Variants in SH3PXD2A observed in about 807,000 individuals in gnomAD.
SH3PXD2A encodes the protein SH3 and PX domains 2A, also known as SH3 and PX domain-containing protein 2A.
A neutral mutation model predicts 115.2 loss-of-function variants in SH3PXD2A; 32 were observed. The observed-to-expected ratio is 0.28, with a 90% CI of 0.21 to 0.37. The LOEUF (loss-of-function observed/expected upper bound fraction) is 0.37. Ranked by LOEUF, SH3PXD2A falls within the 10% of genes least tolerant of loss-of-function variation. The probability of loss-of-function intolerance (pLI) is 1.00; values close to 1 mark genes in which losing one functional copy is unlikely to be tolerated. For synonymous variants in SH3PXD2A, 610 were observed against 629.1 expected, an observed-to-expected ratio of 0.97 and a Z score of 0.45; for missense variants, 1,328 against 1,498.7, an observed-to-expected ratio of 0.89 and a Z score of 1.88.
intron 3 of SH3PXD2A, among the ~76,000 whole-genome samples, chr10:103,743,960 C>A (rs574906857): frequency 6.6e-6 from 1 of 152,264 alleles, no homozygotes; most frequent in Non-Finnish European, 1.5e-5. Flanking sequence ...AGCAGAGAGG[C>A]CTTGATGGAA....
chr10:103,661,899 C>T (rs1412638337), intron 7 of SH3PXD2A: 1 of 985,102 alleles, frequency 1.0e-6, no homozygotes, highest in East Asian at 1.1e-4. Flanking sequence ...GCTGGCGAGC[C>T]CAGCCCGCCC....
In SH3PXD2A at chr10:103,835,275, A is replaced by G. The variant is rs114838296; in HGVS notation, c.72+19920T>C. ...GATTGCAGCTTCCGTGGGATTTCCCACTGCTCTGACGTGAGCTCGCAGGGG... is the reference window on the plus strand; with the variant it reads ...GATTGCAGCTTCCGTGGGATTTCCCGCTGCTCTGACGTGAGCTCGCAGGGG... On this transcript the variant is annotated intron_variant, in intron 1 of 14. Coordinates refer to ENST00000369774, the MANE Select transcript of SH3PXD2A (RefSeq NM_001394015.1). Among the ~76,000 whole-genome samples, 285 of 152,322 alleles carry G rather than the reference A, an allele frequency of 1.9e-3. 1 individual carries two copies. The highest frequency in any genetic ancestry group is 6.2e-3 in the African/African-American group (258 of 41,586).
intron 5 of SH3PXD2A, among the ~76,000 whole-genome samples, chr10:103,709,420 G>C (rs2038021102): frequency 6.6e-6 from 1 of 152,192 alleles, no homozygotes; most frequent in African/African-American, 2.4e-5. Flanking sequence ...CCTGGGACCA[G>C]GGGCAAACCC....
intron 9 of SH3PXD2A, among the ~76,000 whole-genome samples, chr10:103,624,748 T>G (rs76165572): frequency 0.04 from 6,103 of 152,220 alleles, 390 homozygotes; most frequent in African/African-American, 0.14. Flanking sequence ...GGGGTAGAGA[T>G]GGCTGGAGAG....
At chr10:103,805,083 G>A (rs1317069572) in intron 1 of SH3PXD2A, among the ~76,000 whole-genome samples, 2 of 152,198 alleles carry the variant, frequency 1.3e-5, no homozygotes, top group Admixed American at 6.5e-5. Flanking sequence ...GCCTTTCTCC[G>A]GAACCAACCA....
At chr10:103,818,351 A>C (rs2039345073) in intron 1 of SH3PXD2A, among the ~76,000 whole-genome samples, 1 of 152,180 alleles carries the variant, frequency 6.6e-6, no homozygotes, top group Non-Finnish European at 1.5e-5. Flanking sequence ...GGACCTCTGC[A>C]ATCATCTCTG....
intron 6 of SH3PXD2A, among the ~76,000 whole-genome samples, chr10:103,669,471 C>A (rs1354603101): frequency 6.6e-6 from 1 of 152,230 alleles, no homozygotes; most frequent in Non-Finnish European, 1.5e-5. Flanking sequence ...AGGCAGAAAG[C>A]TCTTGGTCTA....
At chr10:103,675,017 C>T (rs1329314664) in intron 6 of SH3PXD2A, among the ~76,000 whole-genome samples, 2 of 152,132 alleles carry the variant, frequency 1.3e-5, no homozygotes, top group Non-Finnish European at 2.9e-5. Context: ...TCTACAAAAG[C>T]TTGTTCCAGG....
rs1374642845 is a variant in SH3PXD2A at position 103,603,759 on chromosome 10, A to T, written c.1459T>A (p.Tyr487Asn). Residue 487 changes from tyrosine to asparagine, a missense_variant, in exon 15 of 15, where the codon TAC (tyrosine) becomes AAC (asparagine). Physicochemically the swap from Tyr to Asn is moderately radical, Grantham distance 143. Transcript: ENST00000369774. ...CCCTCCTTCTCACCGATCTGCACGT[A>T]CCACCAGCCACCTGAGTTCTTATCA... is the stretch of plus-strand genomic sequence containing the variant. ...VIDKNSGGWW[Y>N]VQIGEKEGWA... The T allele has an allele frequency of 6.2e-7, 1 of 1,609,982 alleles. No homozygotes were observed.
Position 103,602,106 on chromosome 10 carries a change from T to C in SH3PXD2A, c.3112A>G (p.Ser1038Gly). ...AKGRLAERAA[S>G]QGSDSPLLPA... ...AGTAGGGGTGAGTCTGAACCCTGGCTGGCAGCCCGTTCGGCCAGGCGGCCC... is the reference window on the plus strand; with the variant it reads ...AGTAGGGGTGAGTCTGAACCCTGGCCGGCAGCCCGTTCGGCCAGGCGGCCC... Residue 1038 changes from serine to glycine, a missense_variant, in exon 15 of 15, where the codon AGC (serine) becomes GGC (glycine). Physicochemically the swap from Ser to Gly is moderately conservative, Grantham distance 56. Around this residue, in one of 5 missense-constraint regions of SH3PXD2A, gnomAD observed 574 missense variants for 565.7 expected, o/e 1.01. Coordinates refer to ENST00000369774, the MANE Select transcript of SH3PXD2A (RefSeq NM_001394015.1). 4 of 1,590,966 alleles carry C rather than the reference T, an allele frequency of 2.5e-6. No homozygotes were observed. Among genetic ancestry groups the C allele is most frequent in the South Asian group, 2.3e-5 (2 of 87,568 alleles).
chr10:103,603,924 A>T, intron 14 of SH3PXD2A, 135 bp from the exon 15 acceptor site: 1 of 985,018 alleles, frequency 1.0e-6, no homozygotes, highest in Non-Finnish European at 1.4e-6. Flanking sequence ...GCCACTGAGT[A>T]AGTGGCCCAA....
intron 1 of SH3PXD2A, among the ~76,000 whole-genome samples, chr10:103,801,694 G>C (rs948641249): frequency 2.0e-5 from 3 of 152,104 alleles, no homozygotes; most frequent in African/African-American, 7.2e-5. Context: ...TAAAATTGAG[G>C]TCACTACATT....
chr10:103,695,715 G>A (rs1169235291), intron 5 of SH3PXD2A, among the ~76,000 whole-genome samples: 1 of 152,176 alleles, frequency 6.6e-6, no homozygotes, highest in South Asian at 2.1e-4. Flanking sequence ...TTCTGAGGCT[G>A]CTCCAGTGTT....
intron 1 of SH3PXD2A, among the ~76,000 whole-genome samples, chr10:103,826,058 C>T (rs773853280): frequency 1.9e-4 from 29 of 152,122 alleles, no homozygotes; most frequent in African/African-American, 5.3e-4. Context: ...CCACCGTGCA[C>T]GGCCAATTAT....
chr10:103,633,952 C>T (rs1202859115), intron 8 of SH3PXD2A, among the ~76,000 whole-genome samples: 2 of 152,126 alleles, frequency 1.3e-5, no homozygotes, highest in African/African-American at 4.8e-5. Context: ...CCTGGGCCAC[C>T]CACACAATCT....
At chr10:103,713,518 C>G (rs1274354323) in intron 5 of SH3PXD2A, among the ~76,000 whole-genome samples, 1 of 152,178 alleles carries the variant, frequency 6.6e-6, no homozygotes, top group Admixed American at 6.5e-5. Context: ...AAATTTCTTT[C>G]AATCCTTGAA....
At position 103,756,095 on chromosome 10, in the gene SH3PXD2A, G is replaced by C. The variant is rs1242591026; in HGVS notation, c.229+10999C>G. ...CTGTGGTCTGGAGGCTGGGCAGCCTGGCATCCTGGGGCCTCCTCAGTGGAC... is the reference window on the plus strand; with the variant it reads ...CTGTGGTCTGGAGGCTGGGCAGCCTCGCATCCTGGGGCCTCCTCAGTGGAC... On this transcript the variant is annotated intron_variant, in intron 3 of 14. Coordinates refer to ENST00000369774, the MANE Select transcript of SH3PXD2A (RefSeq NM_001394015.1). The surrounding 1 kb of genome is among the most constrained non-coding windows in gnomAD (Gnocchi z 4.4). Among the ~76,000 whole-genome samples the C allele has an allele frequency of 6.6e-6, 1 of 152,202 alleles. No homozygotes were observed. Among genetic ancestry groups the C allele is most frequent in the Non-Finnish European group, 1.5e-5 (1 of 68,038 alleles).
chr10:103,633,995 G>A (rs561173247), intron 8 of SH3PXD2A, among the ~76,000 whole-genome samples: 13 of 152,174 alleles, frequency 8.5e-5, no homozygotes, highest in Non-Finnish European at 1.8e-4. Context: ...CCTGCCCAGC[G>A]GGCCCCTGTG....
At chr10:103,769,902 A>G (rs11596085) in intron 2 of SH3PXD2A, among the ~76,000 whole-genome samples, 15,233 of 152,208 alleles carry the variant, frequency 0.1, 890 homozygotes, top group Non-Finnish European at 0.12. Flanking sequence ...TAAATTCTAT[A>G]CAGATTAGGA....
Sources: allele counts gnomAD v4.1 joint callset (sites outside exome capture counted in the v4.1 genomes callset), GRCh38; gene constraint gnomAD v4.1.1; regional missense constraint gnomAD v4.1.1; non-coding constraint Gnocchi (gnomAD v3.1); transcripts MANE v1.5; gene names NCBI Gene and HGNC (gene_info 2026-07-23, HGNC 2026-07-21).